Variants in RBM20 observed in about 807,000 individuals in gnomAD.
RBM20 encodes the protein RNA-binding protein 20.
In RBM20, 51 loss-of-function variants were observed where a neutral mutation model predicts 110.1. That is an observed-to-expected ratio of 0.46 (90% CI 0.37 to 0.59). The LOEUF is 0.59. Among genes scored for constraint, RBM20 ranks in the 20% least tolerant of loss-of-function variants. RBM20 has a pLI of 0.00. For missense variants in RBM20, 1,512 were observed against 1,574.9 expected, an observed-to-expected ratio of 0.96 and a Z score of 0.68; for synonymous variants, 589 against 618.2, an observed-to-expected ratio of 0.95 and a Z score of 0.70.
At chr10:110,785,406 A>G (rs1296595278) in intron 5 of RBM20, among the ~76,000 whole-genome samples, 1 of 152,120 alleles carries the variant, frequency 6.6e-6, no homozygotes, top group Non-Finnish European at 1.5e-5. Context: ...TTCTGGCCAT[A>G]GATTGGTTCA....
intron 12 of RBM20, among the ~76,000 whole-genome samples, chr10:110,827,407 C>CAA (rs35330052): frequency 1.8e-4 from 26 of 145,764 alleles, no homozygotes; most frequent in East Asian, 6.0e-4. Flanking sequence ...GGAAAAGAAA[C>CAA]AAAAAAAAAA....
At chr10:110,748,172 A>G (rs1590652227) in intron 1 of RBM20, among the ~76,000 whole-genome samples, 1 of 152,358 alleles carries the variant, frequency 6.6e-6, no homozygotes, top group East Asian at 1.9e-4. Flanking sequence ...TTCTATGGCG[A>G]AAAGGCATTT....
chr10:110,779,015 T>C (rs1184930021), intron 1 of RBM20, among the ~76,000 whole-genome samples: 1 of 152,214 alleles, frequency 6.6e-6, no homozygotes, highest in Admixed American at 6.5e-5. Context: ...CTAGTTAGGT[T>C]TGAGAGCTCA....
At chr10:110,802,516 C>T (rs1289066652) in intron 7 of RBM20, among the ~76,000 whole-genome samples, 1 of 151,934 alleles carries the variant, frequency 6.6e-6, no homozygotes, top group Non-Finnish European at 1.5e-5. Flanking sequence ...TGAATTTCTA[C>T]ACTAAGTTCC....
intron 1 of RBM20, among the ~76,000 whole-genome samples, chr10:110,768,102 C>T (rs1590665679): frequency 6.6e-6 from 1 of 152,226 alleles, no homozygotes; most frequent in Non-Finnish European, 1.5e-5. Flanking sequence ...TGGCGGCGCG[C>T]GCCTGCAATC....
chr10:110,758,296 C>T (rs551263494), intron 1 of RBM20, among the ~76,000 whole-genome samples: 5 of 152,024 alleles, frequency 3.3e-5, no homozygotes, highest in Non-Finnish European at 5.9e-5. Flanking sequence ...GGATTACATA[C>T]GTGAGCCACT....
chr10:110,835,801 T>C, intron 13 of RBM20, 67 bp from the exon 14 acceptor site: 1 of 1,469,258 alleles, frequency 6.8e-7, no homozygotes, highest in Middle Eastern at 1.7e-4. Flanking sequence ...GCATGTCCGC[T>C]CCTCTCCTCT....
chr10:110,833,390 G>GAAAAAAAAAAAAAAAAAAAAAA, intron 13 of RBM20, among the ~76,000 whole-genome samples: 1 of 62,222 alleles, frequency 1.6e-5, no homozygotes, highest in Non-Finnish European at 2.9e-5. Flanking sequence ...CTCTGTCTCA[G>GAAAAAAAAAAAAAAAAAAAAAA]AAAAAAAAAA....
chr10:110,781,792 C>A lies in RBM20; in HGVS notation c.1183C>A (p.Gln395Lys). The A allele has an allele frequency of 6.4e-7, 1 of 1,551,818 alleles. No homozygotes were observed. The highest frequency in any genetic ancestry group is 8.7e-7 in the Non-Finnish European group (1 of 1,147,014). ...GGCGTTGCTATCTGTGCGGCCCCTG[C>A]AGGCTCATGAGCTGAACGACTTTCA... is the stretch of plus-strand genomic sequence containing the variant. The part of the protein sequence containing the change: ...DQALLSVRPL[Q>K]AHELNDFHGV... Residue 395 changes from glutamine to lysine, a missense_variant, in exon 2 of 14, where the codon CAG (glutamine) becomes AAG (lysine). Around this residue, in one of 3 missense-constraint regions of RBM20, gnomAD observed 1,149 missense variants for 1,169.4 expected, o/e 0.98. Transcript: ENST00000369519.
At chr10:110,703,963 T>A (rs1862797274) in intron 1 of RBM20, among the ~76,000 whole-genome samples, 1 of 152,108 alleles carries the variant, frequency 6.6e-6, no homozygotes, top group East Asian at 1.9e-4. Context: ...AATACAAAAA[T>A]TAGCCAGTTG....
chr10:110,666,339 C>G, intron 1 of RBM20, among the ~76,000 whole-genome samples: 1 of 152,098 alleles, frequency 6.6e-6, no homozygotes, highest in Non-Finnish European at 1.5e-5. Context: ...AGCCGACAGA[C>G]CCTTCTTAAA....
At chr10:110,707,813 G>A (rs1429415992) in intron 1 of RBM20, among the ~76,000 whole-genome samples, 1 of 152,170 alleles carries the variant, frequency 6.6e-6, no homozygotes. Context: ...AAGATAGAAT[G>A]AATAAGACCC....
At chr10:110,815,120 C>T (rs541652823) in intron 9 of RBM20, among the ~76,000 whole-genome samples, 15 of 152,304 alleles carry the variant, frequency 9.8e-5, no homozygotes, top group East Asian at 3.9e-4. Flanking sequence ...GGCAGGGAAT[C>T]GGTTGCATCT....
At chr10:110,803,121 AAAG>A (rs1344891920) in intron 7 of RBM20, among the ~76,000 whole-genome samples, 9 of 152,244 alleles carry the variant, frequency 5.9e-5, no homozygotes, top group African/African-American at 2.2e-4. Flanking sequence ...ACTCTGGGGC[AAAG>A]AAGTTTACAT....
At chr10:110,830,280 G>A (rs767065552) in intron 12 of RBM20, among the ~76,000 whole-genome samples, 1 of 152,346 alleles carries the variant, frequency 6.6e-6, no homozygotes, top group Admixed American at 6.5e-5. Context: ...TCCCCTGGCT[G>A]TGACATTGTC....
At chr10:110,832,774 A>G (rs539608645) in intron 13 of RBM20, among the ~76,000 whole-genome samples, 25 of 152,290 alleles carry the variant, frequency 1.6e-4, no homozygotes, top group African/African-American at 6.0e-4. Flanking sequence ...ATCATAGGCT[A>G]TGCCCAAACT....
At chr10:110,681,911 C>A (rs1489869510) in intron 1 of RBM20, among the ~76,000 whole-genome samples, 1 of 151,404 alleles carries the variant, frequency 6.6e-6, no homozygotes, top group South Asian at 2.1e-4. Flanking sequence ...GTTGTTGAGA[C>A]AAAGTTTCGC....
intron 7 of RBM20, among the ~76,000 whole-genome samples, chr10:110,803,555 C>T (rs1214921826): frequency 6.6e-6 from 1 of 152,046 alleles, no homozygotes; most frequent in African/African-American, 2.4e-5. Flanking sequence ...TGGTGGTCCT[C>T]GGAGAACACT....
chr10:110,684,680 A>G (rs1862475655), intron 1 of RBM20, among the ~76,000 whole-genome samples: 1 of 152,244 alleles, frequency 6.6e-6, no homozygotes, highest in Admixed American at 6.5e-5. Flanking sequence ...TGCAAAATTC[A>G]GGCATGCTGT....
Sources: allele counts gnomAD v4.1 joint callset (sites outside exome capture counted in the v4.1 genomes callset), GRCh38; gene constraint gnomAD v4.1.1; regional missense constraint gnomAD v4.1.1; transcripts MANE v1.5; gene names NCBI Gene and HGNC (gene_info 2026-07-23, HGNC 2026-07-21).